SEC24B: variants seen among roughly 807,000 people sequenced by gnomAD.
SEC24B encodes the protein protein transport protein Sec24B.
In SEC24B, 45 loss-of-function variants were observed where a neutral mutation model predicts 142.8. That is an observed-to-expected ratio of 0.32 (90% confidence interval 0.25 to 0.40). SEC24B has a LOEUF of 0.40. SEC24B is among the 10% of genes least tolerant of loss of function. The probability of loss-of-function intolerance (pLI) is 1.00; values close to 1 mark genes in which losing one functional copy is unlikely to be tolerated. For missense variants in SEC24B, 1,409 were observed against 1,526.8 expected, an observed-to-expected ratio of 0.92 and a Z score of 1.29; for synonymous variants, 574 against 568.2, an observed-to-expected ratio of 1.01 and a Z score of -0.15.
rs186161815 is a variant in SEC24B, at chr4:109,496,165, T to A, written c.1488+1309T>A. ...TCTCACTCTACTGCCTAGGCTGGAG[T>A]GCAGTGGCGCTATCTCAGCTCACTG... On this transcript the variant is annotated intron_variant, in intron 6 of 23. Coordinates refer to ENST00000265175, the MANE Select transcript of SEC24B (RefSeq NM_006323.5). Among the ~76,000 whole-genome samples, 8 of 151,820 alleles carry A rather than the reference T, an allele frequency of 5.3e-5. No individual in the cohort carries two copies. In the East Asian group the frequency reaches 1.4e-3, roughly 26 times the overall value.
intron 1 of SEC24B, among the ~76,000 whole-genome samples, chr4:109,449,184 G>C (rs35699695): frequency 6.6e-6 from 1 of 151,958 alleles, no homozygotes; most frequent in African/African-American, 2.4e-5. Flanking sequence ...TCTTAGCTAG[G>C]TTGCTATATT....
chr4:109,488,988 A>G (rs1273059503), intron 4 of SEC24B, among the ~76,000 whole-genome samples: 2 of 152,126 alleles, frequency 1.3e-5, no homozygotes. Context: ...AGTTTGTTAC[A>G]TATTCTGGAT....
chr4:109,448,287 T>G (rs1729673599), intron 1 of SEC24B, among the ~76,000 whole-genome samples: 1 of 152,140 alleles, frequency 6.6e-6, no homozygotes, highest in East Asian at 1.9e-4. Context: ...TTAGAAGGCA[T>G]CAAACCAGGG....
intron 1 of SEC24B, among the ~76,000 whole-genome samples, chr4:109,462,386 A>G (rs993751431): frequency 6.6e-6 from 1 of 152,196 alleles, no homozygotes; most frequent in African/African-American, 2.4e-5. Context: ...CTCTCATGAG[A>G]TAACCTGTTG....
chr4:109,439,424 C>G (rs573032536), intron 1 of SEC24B, among the ~76,000 whole-genome samples: 4 of 140,528 alleles, frequency 2.8e-5, no homozygotes, highest in African/African-American at 1.1e-4. Flanking sequence ...GAATATACCC[C>G]TGTGGTATTA....
At chr4:109,486,832 A>G (rs931757211) in intron 4 of SEC24B, among the ~76,000 whole-genome samples, 1 of 152,202 alleles carries the variant, frequency 6.6e-6, no homozygotes, top group African/African-American at 2.4e-5. Context: ...AATACGTATA[A>G]TATGATAGGG....
At position 109,532,623 on chromosome 4, in the gene SEC24B, C is replaced by G. The variant is rs1157137111; in HGVS notation, c.3391-16C>G. ...AGTAATGTAATCTCATTCACATTCTCTCTTTTTCTTTTCAGGGTGCAGTAC... is the reference window on the plus strand; with the variant it reads ...AGTAATGTAATCTCATTCACATTCTGTCTTTTTCTTTTCAGGGTGCAGTAC... On this transcript the variant is annotated splice_polypyrimidine_tract_variant and intron_variant, in intron 20 of 23. Transcript: ENST00000265175. 1.3e-6 allele frequency: 2 copies of G among 1,595,772 alleles called. No individual in the cohort carries two copies. Among genetic ancestry groups the G allele is most frequent in the Non-Finnish European group, 1.7e-6 (2 of 1,163,800 alleles).
intron 11 of SEC24B, among the ~76,000 whole-genome samples, chr4:109,517,987 A>G (rs1723153924): frequency 6.6e-6 from 1 of 150,530 alleles, no homozygotes; most frequent in South Asian, 2.1e-4. Context: ...TTATTTTTTG[A>G]GACAGAGTCT....
At chr4:109,434,519 C>A (rs972532692) in intron 1 of SEC24B, among the ~76,000 whole-genome samples, 1 of 152,308 alleles carries the variant, frequency 6.6e-6, no homozygotes, top group Non-Finnish European at 1.5e-5. Context: ...GTTCCCGAGG[C>A]CCAGCGAACA....
chr4:109,521,059 A>G, intron 12 of SEC24B, 58 bp from the exon 13 acceptor site: 3 of 1,113,076 alleles, frequency 2.7e-6, no homozygotes, highest in Non-Finnish European at 4.1e-6. Context: ...AAAAACTAAG[A>G]TTTTCTAATG....
chr4:109,526,384 T>C lies in SEC24B; in HGVS notation c.2950T>C (p.Tyr984His). Residue 984 changes from tyrosine (Y) to histidine (H), a missense_variant, in exon 17 of 24, where the codon TAT becomes CAT. By Grantham distance (83) the Tyr-to-His change is moderately conservative. Around this residue, in one of 2 missense-constraint regions of SEC24B, gnomAD observed 700 missense variants for 853.3 expected, o/e 0.82. Coordinates refer to ENST00000265175, the MANE Select transcript of SEC24B (RefSeq NM_006323.5). ...AGTATGTTTTCAAACAGCCCTATTA[T>C]ATACATCAAGCAAAGGTAATGTTAA... ...SLVCFQTALL[Y>H]TSSKGERRIR... The C allele has an allele frequency of 6.2e-7, 1 of 1,608,662 alleles. No individual in the cohort carries two copies. Among genetic ancestry groups the C allele is most frequent in the Non-Finnish European group, 8.5e-7 (1 of 1,176,850 alleles).
Position 109,461,578 on chromosome 4 carries a change from G to A in SEC24B, c.134-1323G>A, listed in dbSNP as rs115735182. Among the ~76,000 whole-genome samples, 1,326 of 152,180 alleles carry A rather than the reference G, an allele frequency of 8.7e-3. 24 individuals are homozygous for A. Among genetic ancestry groups the A allele is most frequent in the African/African-American group, 0.03 (1,265 of 41,512 alleles). ...CATATATTAAGTAAAAGCAAGTTGC[G>A]GAACTGTAATATCCTTTTTGTGTGT... On this transcript the variant is annotated intron_variant, in intron 1 of 23. Transcript: ENST00000265175.
At chr4:109,512,912 TCAGCCTCCCAACCCAAGAGC>T in intron 9 of SEC24B, among the ~76,000 whole-genome samples, 1 of 150,220 alleles carries the variant, frequency 6.7e-6, no homozygotes, top group Non-Finnish European at 1.5e-5. Flanking sequence ...TCCATCCACC[TCAGCCTCCCAACCCAAGAGC>T]TGGGATTACA....
At chr4:109,509,678 GAAAAAAAA>G (rs1020221678) in intron 7 of SEC24B, among the ~76,000 whole-genome samples, 1 of 46,388 alleles carries the variant, frequency 2.2e-5, no homozygotes, top group African/African-American at 5.2e-5. Flanking sequence ...CTCCATCTCA[GAAAAAAAA>G]AAAAAAAAAA....
chr4:109,529,884 C>T (rs1032205134), intron 18 of SEC24B, among the ~76,000 whole-genome samples: 1 of 152,134 alleles, frequency 6.6e-6, no homozygotes, highest in Non-Finnish European at 1.5e-5. Flanking sequence ...CAGGCACGTG[C>T]CACCATGCCC....
chr4:109,453,450 C>G (rs1312766169), intron 1 of SEC24B, among the ~76,000 whole-genome samples: 1 of 117,310 alleles, frequency 8.5e-6, no homozygotes, highest in African/African-American at 3.0e-5. Context: ...GCCCCCCCCC[C>G]CCCCCCCCCG....
chr4:109,484,756 G>A (rs573413646), intron 4 of SEC24B, among the ~76,000 whole-genome samples: 1 of 151,682 alleles, frequency 6.6e-6, no homozygotes, highest in African/African-American at 2.4e-5. Context: ...GGACGCTGAG[G>A]CAGGAGAATT....
chr4:109,482,458 G>A (rs1733828965), intron 4 of SEC24B, among the ~76,000 whole-genome samples: 1 of 152,064 alleles, frequency 6.6e-6, no homozygotes, highest in Non-Finnish European at 1.5e-5. Flanking sequence ...TATCTGAAAT[G>A]CTTGGGGCCA....
At chr4:109,495,994 G>C (rs970314533) in intron 6 of SEC24B, among the ~76,000 whole-genome samples, 1 of 151,850 alleles carries the variant, frequency 6.6e-6, no homozygotes, top group East Asian at 1.9e-4. Flanking sequence ...ACCTTTTCTG[G>C]AGCCACCTCA....
Sources: allele counts gnomAD v4.1 joint callset (sites outside exome capture counted in the v4.1 genomes callset), GRCh38; gene constraint gnomAD v4.1.1; regional missense constraint gnomAD v4.1.1; transcripts MANE v1.5; gene names NCBI Gene and HGNC (gene_info 2026-07-23, HGNC 2026-07-21).